Variants in MAP3K15 observed in about 807,000 individuals in gnomAD.
The protein encoded by MAP3K15 is mitogen-activated protein kinase kinase kinase 15.
In MAP3K15, 124 loss-of-function variants were observed where a neutral mutation model predicts 99.5. That is an observed-to-expected ratio of 1.25 (90% confidence interval 1.08 to 1.45). The LOEUF (loss-of-function observed/expected upper bound fraction) is 1.45, where lower values mean the gene tolerates loss of function less well. Ranked by LOEUF, MAP3K15 falls within the 40% of genes most tolerant of loss-of-function variation. The pLI is 0.00. For missense variants in MAP3K15, 1,242 were observed against 1,079.7 expected, an observed-to-expected ratio of 1.15 and a Z score of -2.11; for synonymous variants, 494 against 439.6, an observed-to-expected ratio of 1.12 and a Z score of -1.55.
At position 19,441,376 on chromosome X, in the gene MAP3K15, C is replaced by T. The variant is rs148706731; in HGVS notation, c.996-9768G>A. ...GGTAATGGGTATGGGCTTTTGGTGG[C>T]GGGGGGAGGATGATGAAAACATTCT... On this transcript the variant is annotated intron_variant, in intron 6 of 28. Transcript: ENST00000338883. 4.7e-3 allele frequency among the ~76,000 whole-genome samples: 495 copies of T among 105,556 alleles called. 10 individuals are homozygous for T. Among genetic ancestry groups the T allele is most frequent in the African/African-American group, 0.016 (470 of 28,739 alleles). 91.7% of individuals were successfully genotyped at this position (105,556 alleles called of 115,157 possible). A position where few individuals can be genotyped will look rare whatever the true frequency, so the allele number is the denominator to read the frequency against.
At chrX:19,487,370 T>A (rs1199521998) in intron 2 of MAP3K15, among the ~76,000 whole-genome samples, 1 of 111,448 alleles carries the variant, frequency 9.0e-6, no homozygotes, top group Non-Finnish European at 1.9e-5. Flanking sequence ...GAAACTGTCC[T>A]AAATTGAAAA....
At chrX:19,394,507 A>T (rs2063551304) in intron 16 of MAP3K15, among the ~76,000 whole-genome samples, 1 of 111,795 alleles carries the variant, frequency 8.9e-6, no homozygotes, top group Non-Finnish European at 1.9e-5. Flanking sequence ...TATCTCTTGC[A>T]TTCAGGGATT....
rs150000181 is a variant in MAP3K15 at position 19,465,432 on chromosome X, A to G, written c.526-1026T>C. ...GAGACCATCCTTGTGGGTACCAGCT[A>G]TTGGTATTAAGTCTGTCAAAACACA... On this transcript the variant is annotated intron_variant, in intron 3 of 28. Transcript: ENST00000338883. Among the ~76,000 whole-genome samples the G allele has an allele frequency of 3.2e-3, 358 of 110,391 alleles. 2 individuals are homozygous for G. The highest frequency in any genetic ancestry group is 0.011 in the African/African-American group (344 of 30,367).
At chrX:19,471,530 G>A (rs1220675525) in intron 3 of MAP3K15, among the ~76,000 whole-genome samples, 1 of 110,968 alleles carries the variant, frequency 9.0e-6, no homozygotes, top group African/African-American at 3.3e-5. Flanking sequence ...CCAAAGTGCT[G>A]GGATTACAGG....
intron 4 of MAP3K15, among the ~76,000 whole-genome samples, chrX:19,461,978 G>A (rs7885525): frequency 0.032 from 3,456 of 106,419 alleles, 143 homozygotes; most frequent in African/African-American, 0.11. Context: ...GCGACAGAGT[G>A]AGACTTGGTC....
intron 1 of MAP3K15, 124 bp downstream of exon 1, chrX:19,514,776 GA>G: frequency 2.0e-5 from 1 of 49,050 alleles, no homozygotes; most frequent in Non-Finnish European, 3.6e-5. Context: ...GGAGGGGGAC[GA>G]GGGGGAGGGG....
chrX:19,469,737 G>C (rs1179258043), intron 3 of MAP3K15, among the ~76,000 whole-genome samples: 1 of 110,884 alleles, frequency 9.0e-6, no homozygotes, highest in East Asian at 2.8e-4. Flanking sequence ...ACAAGTGGGC[G>C]AAGGATATGA....
At chrX:19,420,518 C>G (rs1409476978) in intron 9 of MAP3K15, among the ~76,000 whole-genome samples, 2 of 111,598 alleles carry the variant, frequency 1.8e-5, no homozygotes, top group African/African-American at 6.5e-5. Context: ...AGACCAATAA[C>G]AGGCTCTGAA....
At chrX:19,360,875 G>T in intron 28 of MAP3K15, 42 bp from the exon 29 acceptor site, 2 of 1,012,126 alleles carry the variant, frequency 2.0e-6, no homozygotes, top group Non-Finnish European at 2.7e-6. Context: ...AGTGCTTCAA[G>T]CCAACAGAGC....
At chrX:19,400,731 G>A in intron 13 of MAP3K15, 68 bp from the exon 14 acceptor site, 1 of 744,937 alleles carries the variant, frequency 1.3e-6, no homozygotes. Flanking sequence ...TTTTAACTTA[G>A]CTTTATTAAA....
intron 24 of MAP3K15, among the ~76,000 whole-genome samples, chrX:19,370,326 G>A (rs73637633): frequency 0.043 from 4,779 of 111,882 alleles, 127 homozygotes; most frequent in South Asian, 0.12. Flanking sequence ...CACGATGAAG[G>A]GGATACCAGA....
chrX:19,398,450 A>T, intron 14 of MAP3K15, 91 bp from the exon 15 acceptor site: 1 of 957,610 alleles, frequency 1.0e-6, no homozygotes, highest in East Asian at 3.1e-5. Flanking sequence ...CAACTAAAAA[A>T]AATATAAATA....
chrX:19,503,734 A>T (rs1237848368), intron 1 of MAP3K15, among the ~76,000 whole-genome samples: 1 of 110,689 alleles, frequency 9.0e-6, no homozygotes, highest in Admixed American at 9.6e-5. Flanking sequence ...GCCATAGGAT[A>T]TAAGAAGTCT....
chrX:19,502,647 C>A (rs968434388), intron 1 of MAP3K15, among the ~76,000 whole-genome samples: 3 of 111,213 alleles, frequency 2.7e-5, no homozygotes, highest in African/African-American at 9.8e-5. Context: ...GGCAAAAGCC[C>A]ATCTCTACAA....
chrX:19,469,330 G>A (rs1956906689), intron 3 of MAP3K15, among the ~76,000 whole-genome samples: 1 of 111,871 alleles, frequency 8.9e-6, no homozygotes, highest in Admixed American at 9.6e-5. Context: ...ATGGTGCTGG[G>A]AAAACTGGCT....
At chrX:19,471,100 A>T in intron 3 of MAP3K15, among the ~76,000 whole-genome samples, 1 of 111,535 alleles carries the variant, frequency 9.0e-6, no homozygotes, top group Non-Finnish European at 1.9e-5. Context: ...GAGATATGCA[A>T]TCTGAAGAAC....
chrX:19,473,612 A>G (rs913652449), intron 3 of MAP3K15, among the ~76,000 whole-genome samples: 6 of 112,070 alleles, frequency 5.4e-5, no homozygotes, highest in Admixed American at 1.9e-4. Context: ...CACTCTCCAA[A>G]TATTTCCAAA....
intron 20 of MAP3K15, 101 bp downstream of exon 20, chrX:19,374,376 G>T: frequency 1.2e-6 from 1 of 804,817 alleles, no homozygotes; most frequent in Non-Finnish European, 1.8e-6. Flanking sequence ...GCAGCCCAGG[G>T]CTCTGGATAG....
intron 3 of MAP3K15, among the ~76,000 whole-genome samples, chrX:19,478,689 G>C (rs1245110314): frequency 9.8e-6 from 1 of 102,188 alleles, no homozygotes; most frequent in Non-Finnish European, 2.0e-5. Context: ...TGGCTTTCCA[G>C]AAAAAAAAAA....
Sources: gnomAD v4.1 joint callset for allele counts (sites outside exome capture counted in the v4.1 genomes callset) on GRCh38, gnomAD v4.1.1 for gene constraint, MANE v1.5 for transcripts, NCBI Gene and HGNC (gene_info 2026-07-23, HGNC 2026-07-21) for gene names.